SLC8A1: variants seen among roughly 807,000 people sequenced by gnomAD.
The protein encoded by SLC8A1 is sodium/calcium exchanger 1.
Under a neutral mutation model 68.3 loss-of-function variants are expected in SLC8A1, and 18 were observed. That is an observed-to-expected ratio of 0.26 (90% CI 0.18 to 0.39). The LOEUF (loss-of-function observed/expected upper bound fraction) is 0.39. SLC8A1 is among the 10% of genes least tolerant of loss of function. The pLI is 1.00. For synonymous variants in SLC8A1, 475 were observed against 415.5 expected (o/e 1.14, Z -1.74); for missense variants, 985 against 1,156.7 (o/e 0.85, Z 2.15).
chr2:40,246,878 G>A (rs189208272), intron 2 of SLC8A1, among the ~76,000 whole-genome samples: 67 of 152,116 alleles, frequency 4.4e-4, no homozygotes, highest in South Asian at 6.2e-4. Flanking sequence ...ATGTGACTAG[G>A]GCTGTGAAAA....
rs1340427320 is a variant in SLC8A1, at chr2:40,396,771, A to C, written c.1808+31702T>G. Reference sequence around the variant, plus strand: ...ACTAAAAAAAAAAAAAAAAAAAAAAAAAAAAACAAGAGAAGTTAAAGAAGC... The same window carrying C: ...ACTAAAAAAAAAAAAAAAAAAAAAACAAAAAACAAGAGAAGTTAAAGAAGC... On this transcript the variant is annotated intron_variant, in intron 2 of 7. Transcript: ENST00000406785. 1.4e-4 allele frequency among the ~76,000 whole-genome samples: 20 copies of C among 147,210 alleles called. No individual in the cohort carries two copies. In the East Asian group the frequency reaches 3.5e-3, roughly 26 times the overall value.
At chr2:40,435,457 A>G (rs1484856961) in intron 1 of SLC8A1, among the ~76,000 whole-genome samples, 1 of 151,952 alleles carries the variant, frequency 6.6e-6, no homozygotes, top group Non-Finnish European at 1.5e-5. Flanking sequence ...CTAATACCTA[A>G]TTTTCCCTTC....
chr2:40,162,038 G>A (rs900547585), intron 5 of SLC8A1, among the ~76,000 whole-genome samples: 1 of 152,196 alleles, frequency 6.6e-6, no homozygotes, highest in African/African-American at 2.4e-5. Context: ...CATTGGAACA[G>A]ACTTGAAACA....
intron 2 of SLC8A1, among the ~76,000 whole-genome samples, chr2:40,356,835 A>T (rs1280514107): frequency 6.6e-6 from 1 of 152,214 alleles, no homozygotes; most frequent in Non-Finnish European, 1.5e-5. Flanking sequence ...ATGTGAGACA[A>T]TAGCAGTCAT....
At chr2:40,184,407 T>A (rs2050232902) in intron 2 of SLC8A1, among the ~76,000 whole-genome samples, 1 of 152,268 alleles carries the variant, frequency 6.6e-6, no homozygotes, top group African/African-American at 2.4e-5. Context: ...CCTGCTCTTT[T>A]CTGGATTATA....
Position 40,246,843 on chromosome 2 carries a change from T to A in SLC8A1, c.1809-68988A>T, listed in dbSNP as rs150915704. ...CAGAGGAATTTTTTTTATTTAAGTCTGTCATTTTAAAGGAAAATGGTTAGA... is the reference window on the plus strand; with the variant it reads ...CAGAGGAATTTTTTTTATTTAAGTCAGTCATTTTAAAGGAAAATGGTTAGA... On this transcript the variant is annotated intron_variant, in intron 2 of 7. Transcript: ENST00000406785. 3.4e-3 allele frequency among the ~76,000 whole-genome samples: 511 copies of A among 152,290 alleles called. 1 individual carries two copies. Among genetic ancestry groups the A allele is most frequent in the Non-Finnish European group, 5.9e-3 (400 of 68,032 alleles).
chr2:40,399,965 T>G (rs546292245), intron 2 of SLC8A1, among the ~76,000 whole-genome samples: 1 of 152,294 alleles, frequency 6.6e-6, no homozygotes, highest in East Asian at 1.9e-4. Flanking sequence ...AATCGGTTAT[T>G]TTACCTATAG....
chr2:40,459,817 C>G (rs1703237878), intron 1 of SLC8A1, among the ~76,000 whole-genome samples: 1 of 152,114 alleles, frequency 6.6e-6, no homozygotes, highest in Admixed American at 6.6e-5. Flanking sequence ...CATCATACCT[C>G]CTTTTCCTTT....
intron 2 of SLC8A1, among the ~76,000 whole-genome samples, chr2:40,310,696 C>T (rs1017779597): frequency 6.6e-6 from 1 of 152,094 alleles, no homozygotes; most frequent in African/African-American, 2.4e-5. Flanking sequence ...GAGACCTCCC[C>T]TCAAGCTCAC....
At chr2:40,429,907 G>T (rs1376242713) in exon 2 of SLC8A1, 19 of 1,613,402 alleles carry the variant, frequency 1.2e-5, no homozygotes, top group Non-Finnish European at 1.6e-5. Flanking sequence ...CCTCACAGTT[G>T]TCTTGGTGGT....
chr2:40,308,323 A>G (rs909971421), intron 2 of SLC8A1, among the ~76,000 whole-genome samples: 1 of 152,184 alleles, frequency 6.6e-6, no homozygotes, highest in African/African-American at 2.4e-5. Flanking sequence ...TCACTACTTT[A>G]CTGGGTTATC....
At chr2:40,283,361 T>A (rs1575056899) in intron 2 of SLC8A1, among the ~76,000 whole-genome samples, 1 of 152,172 alleles carries the variant, frequency 6.6e-6, no homozygotes, top group Admixed American at 6.5e-5. Flanking sequence ...TGGTAAAACA[T>A]CTGGATCTTT....
chr2:40,455,872 G>A (rs1266221285), upstream of SLC8A1, among the ~76,000 whole-genome samples: 1 of 152,150 alleles, frequency 6.6e-6, no homozygotes, highest in Non-Finnish European at 1.5e-5. Flanking sequence ...TCCACAGACT[G>A]GGGCAGCCTT....
chr2:40,205,830 AAAG>A (rs1384585910), intron 2 of SLC8A1, among the ~76,000 whole-genome samples: 6 of 151,570 alleles, frequency 4.0e-5, no homozygotes, highest in Non-Finnish European at 7.4e-5. Context: ...AAAAAAAAAA[AAAG>A]AAAAAGTCTT....
intron 2 of SLC8A1, chr2:40,251,590 A>ACTT (rs1018156947): frequency 2.0e-5 from 3 of 152,202 alleles, no homozygotes; most frequent in Non-Finnish European, 2.9e-5. Flanking sequence ...TATTAATAAT[A>ACTT]CTTTAACCCT....
At chr2:40,390,252 A>G (rs938364133) in intron 2 of SLC8A1, among the ~76,000 whole-genome samples, 2 of 152,116 alleles carry the variant, frequency 1.3e-5, no homozygotes, top group Non-Finnish European at 2.9e-5. Flanking sequence ...CTTAAGGAGC[A>G]GATTCTGTTC....
chr2:40,151,300 G>A (rs1431616273), intron 6 of SLC8A1, among the ~76,000 whole-genome samples: 1 of 151,840 alleles, frequency 6.6e-6, no homozygotes, highest in Non-Finnish European at 1.5e-5. Flanking sequence ...TATTTATATA[G>A]ATTGTTTTCT....
chr2:40,332,812 G>C (rs1004718410), intron 2 of SLC8A1, among the ~76,000 whole-genome samples: 1 of 152,186 alleles, frequency 6.6e-6, no homozygotes, highest in African/African-American at 2.4e-5. Context: ...AGCTTTTCCA[G>C]AGTTATGTGT....
At chr2:40,309,570 A>T (rs1010438507) in intron 2 of SLC8A1, among the ~76,000 whole-genome samples, 2 of 144,862 alleles carry the variant, frequency 1.4e-5, no homozygotes, top group African/African-American at 5.1e-5. Flanking sequence ...GCAATGGTGC[A>T]ATCTTGGCTG....
Sources: gnomAD v4.1 joint callset for allele counts (sites outside exome capture counted in the v4.1 genomes callset) on GRCh38, gnomAD v4.1.1 for gene constraint, MANE v1.5 for transcripts, NCBI Gene and HGNC (gene_info 2026-07-23, HGNC 2026-07-21) for gene names.